Variants in ERBIN observed in about 807,000 individuals in gnomAD.
The protein encoded by ERBIN is erbb2 interacting protein, also known as densin-180-like protein.
Under a neutral mutation model 158.4 loss-of-function variants are expected in ERBIN, and 60 were observed. The ratio of observed to expected loss-of-function variants is 0.38; its 90% CI spans 0.31 to 0.47. ERBIN has a LOEUF of 0.47. Among genes scored for constraint, ERBIN ranks in the 20% least tolerant of loss-of-function variants. ERBIN has a pLI of 0.99. For missense variants in ERBIN, 1,610 were observed against 1,648.0 expected (o/e 0.98, Z 0.40); for synonymous variants, 594 against 557.2 (o/e 1.07, Z -0.93).
At position 66,053,537 on chromosome 5, in the gene ERBIN, G is replaced by T. The variant is rs374901776; in HGVS notation, c.2219G>T (p.Arg740Leu). The T allele has an allele frequency of 1.9e-6, 3 of 1,611,544 alleles. No homozygotes were observed. Among genetic ancestry groups the T allele is most frequent in the South Asian group, 1.1e-5 (1 of 90,692 alleles). The stretch of plus-strand genomic sequence containing the variant: ...GAATATGATTTGAATGTTGAAGAGC[G>T]ATTAGTTCTAATTGAGAAAAGTGTT... The part of the protein sequence containing the change: ...LPEYDLNVEE[R>L]LVLIEKSVDS... Residue 740 changes from arginine to leucine, a missense_variant, in exon 21 of 26, where the codon CGA (arginine) becomes CTA (leucine). Physicochemically the swap from Arg to Leu is moderately radical, Grantham distance 102. Around this residue, in one of 2 missense-constraint regions of ERBIN, gnomAD observed 1,014 missense variants for 936.1 expected, o/e 1.08. Transcript: ENST00000284037.
rs556763379 is a variant in ERBIN at position 66,071,679 on chromosome 5, A to G, written c.3634-490A>G. On this transcript the variant is annotated intron_variant, in intron 21 of 25. Transcript: ENST00000284037. ...TGCTTGTCATTAAAATTTAGGGGAA[A>G]AAAATCCCATGGGGTACTGTTCTAT... Among the ~76,000 whole-genome samples the G allele has an allele frequency of 2.0e-5, 3 of 152,168 alleles. No individual in the cohort carries two copies. In the South Asian group the frequency reaches 6.2e-4, roughly 32 times the overall value.
At chr5:65,953,679 A>G (rs1746771896) in intron 1 of ERBIN, among the ~76,000 whole-genome samples, 1 of 152,188 alleles carries the variant, frequency 6.6e-6, no homozygotes, top group Non-Finnish European at 1.5e-5. Context: ...TGATAGTTCT[A>G]CTTAACCCAC....
chr5:66,074,644 G>T (rs1761822276), intron 22 of ERBIN, among the ~76,000 whole-genome samples: 3 of 152,150 alleles, frequency 2.0e-5, no homozygotes, highest in Admixed American at 6.5e-5. Context: ...GCATCTCATA[G>T]ACTGGCTTAA....
In ERBIN at chr5:66,062,212, C is replaced by T. The variant is rs1487264566; in HGVS notation, c.3633+7261C>T. 3.3e-5 allele frequency among the ~76,000 whole-genome samples: 5 copies of T among 152,338 alleles called. No homozygotes were observed. In the East Asian group the frequency reaches 9.6e-4, roughly 29 times the overall value. Reference sequence around the variant, plus strand: ...CGTAGATTTGGTCTTTTCACATAGTCCCATATTTCTTGGAGGCTTTGTTCG... The same window carrying T: ...CGTAGATTTGGTCTTTTCACATAGTTCCATATTTCTTGGAGGCTTTGTTCG... On this transcript the variant is annotated intron_variant, in intron 21 of 25. Transcript: ENST00000284037.
At chr5:65,949,587 T>C (rs1746255369) in intron 1 of ERBIN, among the ~76,000 whole-genome samples, 2 of 152,216 alleles carry the variant, frequency 1.3e-5, no homozygotes, top group African/African-American at 4.8e-5. Flanking sequence ...AGTTGTCGTT[T>C]AGAAAAACTT....
rs762035900 is a variant in ERBIN, at chr5:66,076,422, G to C, written c.4056+14G>C. 4.4e-6 allele frequency: 7 copies of C among 1,582,024 alleles called. No individual in the cohort carries two copies. The highest frequency in any genetic ancestry group is 6.0e-6 in the Non-Finnish European group (7 of 1,157,024). On this transcript the variant is annotated intron_variant, in intron 24 of 25. Coordinates refer to ENST00000284037, the MANE Select transcript of ERBIN (RefSeq NM_001253697.2). ...CCTGATGATGATGTAAGTTTTCTTT[G>C]TATATTCTTGAAACACCTATAAAGT... is the stretch of plus-strand genomic sequence containing the variant.
chr5:65,984,888 A>ATG (rs1487946147), intron 1 of ERBIN: 2 of 150,978 alleles, frequency 1.3e-5, no homozygotes, highest in Admixed American at 6.6e-5. Flanking sequence ...TAAATAGAAG[A>ATG]TGTGCTGTAT....
rs541248935 is a variant in ERBIN, at chr5:65,941,024, C to G, written c.-58+14218C>G. On this transcript the variant is annotated intron_variant, in intron 1 of 25. Transcript: ENST00000284037. ...GTTGATCGGTGACCCTACCCCCAAC[C>G]CTGTGCTCTCTGAAACATGTGCTGT... Among the ~76,000 whole-genome samples, 4 of 152,176 alleles carry G rather than the reference C, an allele frequency of 2.6e-5. No homozygotes were observed. The East Asian group carries it at 7.7e-4, about 29-fold the overall frequency.
chr5:65,954,286 GT>G (rs1268342645), intron 1 of ERBIN, among the ~76,000 whole-genome samples: 1 of 152,194 alleles, frequency 6.6e-6, no homozygotes, highest in African/African-American at 2.4e-5. Context: ...TGCAACTCCG[GT>G]TTCAGAGGTT....
Position 66,081,588 on chromosome 5 carries a change from A to G in ERBIN, c.*3058A>G, listed in dbSNP as rs990908338. On this transcript the variant is annotated 3_prime_UTR_variant, in exon 26 of 26. Transcript: ENST00000284037. The stretch of plus-strand genomic sequence containing the variant: ...TTATTTACAAAATTCGGGGTTAGAG[A>G]AATTCTCATGAAAAATATACAATTT... 6.6e-6 allele frequency: 1 copy of G among 152,116 alleles called. No individual in the cohort carries two copies. Among genetic ancestry groups the G allele is most frequent in the Non-Finnish European group, 1.5e-5 (1 of 67,974 alleles). The allele number at this position is 152,116 out of a possible 1,614,324, so 9.4% of individuals were successfully genotyped here.
Position 66,050,967 on chromosome 5 carries a change from G to A in ERBIN, c.2087+1G>A, listed in dbSNP as rs1758961150. On this transcript the variant is annotated splice_donor_variant, in intron 20 of 25. Transcript: ENST00000284037. LOFTEE classifies it high-confidence loss of function. ...ATATTGATATTAATTCCAAAATCAG[G>A]TGTGTGAACCTCTTTTACAGTTTTT... 1 of 1,594,000 alleles carries A rather than the reference G, an allele frequency of 6.3e-7. No individual in the cohort carries two copies. Among genetic ancestry groups the A allele is most frequent in the Admixed American group, 1.8e-5 (1 of 56,294 alleles).
Position 66,054,465 on chromosome 5 carries a change from C to T in ERBIN, c.3147C>T (p.Gly1049=). The change falls in exon 21 of 26, where the codon GGC becomes GGT. Residue 1049 remains glycine, a synonymous_variant. Coordinates refer to ENST00000284037, the MANE Select transcript of ERBIN (RefSeq NM_001253697.2). ...CATACCATTTACATCAGAGACTTGG[C>T]CCAGCAAGACATGGGGAAATGTGGG... ...NTAYHLHQRL[G]PARHGEMWAI... The T allele has an allele frequency of 6.2e-7, 1 of 1,614,150 alleles. No homozygotes were observed. The highest frequency in any genetic ancestry group is 8.5e-7 in the Non-Finnish European group (1 of 1,180,024).
At chr5:65,965,393 T>TG (rs1748476920) in intron 1 of ERBIN, among the ~76,000 whole-genome samples, 1 of 6,392 alleles carries the variant, frequency 1.6e-4, no homozygotes, top group East Asian at 1.7e-3. Flanking sequence ...TTTTTTTTTT[T>TG]TTTTTTTTTT....
intron 1 of ERBIN, among the ~76,000 whole-genome samples, chr5:65,939,879 C>A (rs1327323788): frequency 6.6e-6 from 1 of 151,756 alleles, no homozygotes; most frequent in Middle Eastern, 3.2e-3. Flanking sequence ...AGTGCAGTGG[C>A]GTGATCTCGG....
intron 1 of ERBIN, among the ~76,000 whole-genome samples, chr5:65,967,188 T>A (rs1046879938): frequency 6.6e-6 from 1 of 152,082 alleles, no homozygotes; most frequent in African/African-American, 2.4e-5. Flanking sequence ...AAGATTTTTT[T>A]AAAAAGAAAA....
In ERBIN at chr5:65,966,499, G is replaced by A. The variant is rs560573614; in HGVS notation, c.-57-22136G>A. Reference sequence around the variant, plus strand: ...AGATTGAGATCAGCCTGACCAACATGGAGAAACCCTGTCTCTACTAAAAAT... The same window carrying A: ...AGATTGAGATCAGCCTGACCAACATAGAGAAACCCTGTCTCTACTAAAAAT... On this transcript the variant is annotated intron_variant, in intron 1 of 25. Transcript: ENST00000284037. Among the ~76,000 whole-genome samples, 4 of 152,052 alleles carry A rather than the reference G, an allele frequency of 2.6e-5. 1 individual carries two copies. Among genetic ancestry groups the A allele is most frequent in the African/African-American group, 9.6e-5 (4 of 41,472 alleles).
In ERBIN at chr5:66,053,716, T is replaced by A. The variant is rs1759283287; in HGVS notation, c.2398T>A (p.Ser800Thr). The part of the protein sequence containing the change: ...VLGTSFLSIN[S>T]KEETEHLENG... ...TGGAACAAGCTTTTTAAGCATTAAT[T>A]CTAAAGAGGAAACTGAGCACTTGGA... The change falls in exon 21 of 26, where the codon TCT becomes ACT. Residue 800 changes from serine to threonine, a missense_variant. Physicochemically the swap from Ser to Thr is moderately conservative, Grantham distance 58. Transcript: ENST00000284037. 6.2e-7 allele frequency: 1 copy of A among 1,613,906 alleles called. No individual in the cohort carries two copies. The highest frequency in any genetic ancestry group is 8.5e-7 in the Non-Finnish European group (1 of 1,179,986).
intron 10 of ERBIN, among the ~76,000 whole-genome samples, chr5:66,024,965 G>A (rs1019226837): frequency 5.3e-5 from 8 of 152,054 alleles, no homozygotes; most frequent in Admixed American, 6.5e-5. Context: ...GTTAAATCAC[G>A]TAGTGGTTTT....
intron 18 of ERBIN, among the ~76,000 whole-genome samples, chr5:66,047,096 A>G (rs1758518020): frequency 6.6e-6 from 1 of 152,142 alleles, no homozygotes; most frequent in South Asian, 2.1e-4. Flanking sequence ...CACCCCAGAA[A>G]GAAATTCCAT....
Sources: gnomAD v4.1 joint callset for allele counts (sites outside exome capture counted in the v4.1 genomes callset) on GRCh38, gnomAD v4.1.1 for gene constraint, gnomAD v4.1.1 regional missense constraint, MANE v1.5 for transcripts, NCBI Gene and HGNC (gene_info 2026-07-23, HGNC 2026-07-21) for gene names.